MAP3K15: variants seen among roughly 807,000 people sequenced by gnomAD.
MAP3K15 encodes mitogen-activated protein kinase kinase kinase 15.
A neutral mutation model predicts 99.5 loss-of-function variants in MAP3K15; 124 were observed. That is an observed-to-expected ratio of 1.25 (90% CI 1.08 to 1.45). The LOEUF (loss-of-function observed/expected upper bound fraction) is 1.45, where lower values mean the gene tolerates loss of function less well. Ranked by LOEUF, MAP3K15 falls within the 40% of genes most tolerant of loss-of-function variation. The pLI is 0.00. For missense variants in MAP3K15, 1,242 were observed against 1,079.7 expected (o/e 1.15, Z -2.11); for synonymous variants, 494 against 439.6 (o/e 1.12, Z -1.55).
chrX:19,374,598 G>A lies in MAP3K15; in HGVS notation c.2652C>T (p.Phe884=). 8.3e-7 allele frequency: 1 copy of A among 1,211,604 alleles called. No homozygotes were observed. The highest frequency in any genetic ancestry group is 1.1e-6 in the Non-Finnish European group (1 of 895,395). The change falls in exon 20 of 29, where the codon TTC becomes TTT. Residue 884 remains phenylalanine (F), a synonymous_variant. Coordinates refer to ENST00000338883, the MANE Select transcript of MAP3K15 (RefSeq NM_001001671.4). ...PEALSAEARA[F]ILSCFEPDPH... ...GGTCAGGCTCGAAACAGGATAAAATGAAGGCTCGGGCTTCAGCTGAAAGGG... is the reference window on the plus strand; with the variant it reads ...GGTCAGGCTCGAAACAGGATAAAATAAAGGCTCGGGCTTCAGCTGAAAGGG...
chrX:19,401,638 G>A (rs2063609175), intron 13 of MAP3K15, among the ~76,000 whole-genome samples: 1 of 111,619 alleles, frequency 9.0e-6, no homozygotes, highest in Non-Finnish European at 1.9e-5. Flanking sequence ...GGAATGGTGA[G>A]GAGGAAACGC....
At chrX:19,409,087 C>T (rs1409870945) in intron 12 of MAP3K15, among the ~76,000 whole-genome samples, 1 of 111,528 alleles carries the variant, frequency 9.0e-6, no homozygotes, top group South Asian at 3.8e-4. Flanking sequence ...CTACTTTGTA[C>T]TTAAATTATT....
intron 3 of MAP3K15, among the ~76,000 whole-genome samples, chrX:19,472,347 G>C (rs1311090728): frequency 1.8e-5 from 2 of 111,162 alleles, no homozygotes; most frequent in Non-Finnish European, 3.8e-5. Flanking sequence ...AAGAATACCA[G>C]TAAAGGTAGT....
intron 1 of MAP3K15, among the ~76,000 whole-genome samples, chrX:19,498,472 G>T (rs2064420744): frequency 8.9e-6 from 1 of 111,820 alleles, no homozygotes; most frequent in African/African-American, 3.3e-5. Context: ...TCCAAACTCA[G>T]ACCTATAAAG....
intron 1 of MAP3K15, chrX:19,496,672 C>T (rs1225585576): frequency 9.0e-6 from 1 of 111,542 alleles, no homozygotes; most frequent in African/African-American, 3.3e-5. Context: ...CAGTAAGTAG[C>T]CCCTGCATTT....
intron 9 of MAP3K15, among the ~76,000 whole-genome samples, chrX:19,423,809 T>G (rs4396064): frequency 0.33 from 36,672 of 110,873 alleles, 8,718 homozygotes; most frequent in African/African-American, 0.85. Context: ...ATGATTCATC[T>G]TCGGGGCCCT....
intron 18 of MAP3K15, among the ~76,000 whole-genome samples, chrX:19,386,021 G>T (rs2063491804): frequency 8.9e-6 from 1 of 111,865 alleles, no homozygotes; most frequent in Non-Finnish European, 1.9e-5. Context: ...GATACTCAAG[G>T]GAACACTCCC....
intron 25 of MAP3K15, among the ~76,000 whole-genome samples, chrX:19,363,308 G>C (rs2063308799): frequency 8.9e-6 from 1 of 112,035 alleles, no homozygotes; most frequent in Non-Finnish European, 1.9e-5. Context: ...TCTGTGAATG[G>C]GGAAGCAGGC....
At position 19,504,910 on chromosome X, in the gene MAP3K15, C is replaced by T. The variant is rs566097223; in HGVS notation, c.361+9991G>A. On this transcript the variant is annotated intron_variant, in intron 1 of 28. Transcript: ENST00000338883. ...GGTAGAGTCTGCAGTGAGCTGTGATCGTGCCACTGCACTCTAGCCTGAGCA... is the reference window on the plus strand; with the variant it reads ...GGTAGAGTCTGCAGTGAGCTGTGATTGTGCCACTGCACTCTAGCCTGAGCA... Among the ~76,000 whole-genome samples, 27 of 99,756 alleles carry T rather than the reference C, an allele frequency of 2.7e-4. No homozygotes were observed. The South Asian group carries it at 0.011, about 40-fold the overall frequency. 86.6% of individuals were successfully genotyped at this position (99,756 alleles called of 115,157 possible). A position where few individuals can be genotyped will look rare whatever the true frequency, so the allele number is the denominator to read the frequency against.
At chrX:19,469,057 A>C (rs1016958557) in intron 3 of MAP3K15, among the ~76,000 whole-genome samples, 1 of 111,377 alleles carries the variant, frequency 9.0e-6, no homozygotes, top group African/African-American at 3.3e-5. Context: ...TGTCATCTGC[A>C]AACAGGGATA....
At chrX:19,467,045 T>C (rs938655819) in intron 3 of MAP3K15, among the ~76,000 whole-genome samples, 55 of 111,567 alleles carry the variant, frequency 4.9e-4, no homozygotes, top group Middle Eastern at 4.6e-3. Flanking sequence ...GTATTTTACA[T>C]GTGGCCCAAA....
chrX:19,441,956 C>G (rs930658937), intron 6 of MAP3K15, among the ~76,000 whole-genome samples: 1 of 111,869 alleles, frequency 8.9e-6, no homozygotes, highest in Non-Finnish European at 1.9e-5. Flanking sequence ...AAGAGACTGC[C>G]CAGCCAGGAT....
intron 9 of MAP3K15, among the ~76,000 whole-genome samples, chrX:19,421,898 G>T (rs7880047): frequency 0.21 from 23,056 of 107,898 alleles, 5,774 homozygotes; most frequent in African/African-American, 0.7. Flanking sequence ...TATCTGATCT[G>T]TGACAAACCT....
chrX:19,503,239 A>G (rs763629586), intron 1 of MAP3K15, among the ~76,000 whole-genome samples: 6 of 111,640 alleles, frequency 5.4e-5, no homozygotes, highest in Non-Finnish European at 1.1e-4. Flanking sequence ...TATCGCTCCT[A>G]TGCTCTGCTA....
At chrX:19,491,977 C>T (rs1283299501) in intron 1 of MAP3K15, among the ~76,000 whole-genome samples, 3 of 107,644 alleles carry the variant, frequency 2.8e-5, no homozygotes, top group African/African-American at 1.0e-4. Flanking sequence ...TTAGCCACTG[C>T]ACCTGGCTAC....
chrX:19,510,479 G>A lies in MAP3K15; in HGVS notation c.361+4422C>T, dbSNP rs760166732. Among the ~76,000 whole-genome samples, 127 of 112,142 alleles carry A rather than the reference G, an allele frequency of 1.1e-3. 1 individual carries two copies. Among genetic ancestry groups the A allele is most frequent in the African/African-American group, 3.8e-3 (117 of 30,930 alleles). On this transcript the variant is annotated intron_variant, in intron 1 of 28. Transcript: ENST00000338883. ...CTCAATAGATGCAGAAAAGGCCTTC[G>A]ATAAAATTCAACACCGCTTCATGCT...
At chrX:19,495,051 G>A (rs1478224752) in intron 1 of MAP3K15, among the ~76,000 whole-genome samples, 8 of 111,697 alleles carry the variant, frequency 7.2e-5, no homozygotes, top group Middle Eastern at 4.6e-3. Context: ...TTGCTCTGTC[G>A]CCCAGGCTGG....
chrX:19,390,518 T>C (rs1390630974), intron 18 of MAP3K15, among the ~76,000 whole-genome samples: 1 of 103,296 alleles, frequency 9.7e-6, no homozygotes, highest in Non-Finnish European at 1.9e-5. Flanking sequence ...TTATATATAA[T>C]CATTATGTAT....
At chrX:19,415,637 C>G (rs1242183342) in intron 9 of MAP3K15, among the ~76,000 whole-genome samples, 1 of 110,805 alleles carries the variant, frequency 9.0e-6, no homozygotes, top group African/African-American at 3.3e-5. Flanking sequence ...ATTTTTTTTC[C>G]CAATAGATAC....
Sources: gnomAD v4.1 joint callset for allele counts (sites outside exome capture counted in the v4.1 genomes callset) on GRCh38, gnomAD v4.1.1 for gene constraint, MANE v1.5 for transcripts, NCBI Gene and HGNC (gene_info 2026-07-23, HGNC 2026-07-21) for gene names.